Variants in CLTRN observed in about 807,000 individuals in gnomAD.
CLTRN encodes collectrin.
In CLTRN, 12 loss-of-function variants were observed where a neutral mutation model predicts 14.5. That is an observed-to-expected ratio of 0.83 (90% CI 0.53 to 1.34). The LOEUF (loss-of-function observed/expected upper bound fraction) is 1.34, where lower values mean the gene tolerates loss of function less well. CLTRN is among the 40% of genes most tolerant of loss of function. CLTRN has a pLI of 0.00. For synonymous variants in CLTRN, 58 were observed against 56.5 expected (o/e 1.03, Z -0.12); for missense variants, 154 against 165.1 (o/e 0.93, Z 0.37).
chrX:15,649,593 G>A (rs1419810788), intron 3 of CLTRN, among the ~76,000 whole-genome samples: 5 of 111,133 alleles, frequency 4.5e-5, no homozygotes, highest in Non-Finnish European at 1.9e-5. Context: ...TGTCAATGGG[G>A]GTGTGCTGTT....
rs1412031895 is a variant in CLTRN at position 15,628,034 on chromosome X, G to A, written c.606C>T (p.Asp202=). Reference sequence around the variant, plus strand: ...CATCATTAATATGCCCTCCCTTCATGTCCAGGGGATCAGAGGGGATGCCAT... The same window carrying A: ...CATCATTAATATGCCCTCCCTTCATATCCAGGGGATCAGAGGGGATGCCAT... The part of the protein sequence containing the change: ...IENGIPSDPL[D]MKGGHINDAF... Residue 202 remains aspartate (D), a synonymous_variant, in exon 6 of 6, where the codon GAC becomes GAT. Transcript: ENST00000380342. The A allele has an allele frequency of 1.7e-6, 2 of 1,143,726 alleles. No individual in the cohort carries two copies. Among genetic ancestry groups the A allele is most frequent in the East Asian group, 3.2e-5 (1 of 31,055 alleles). 94.3% of individuals were successfully genotyped at this position (1,143,726 alleles called of 1,213,427 possible). A position where few individuals can be genotyped will look rare whatever the true frequency, so the allele number is the denominator to read the frequency against.
chrX:15,632,871 A>G (rs1191919900), intron 5 of CLTRN, among the ~76,000 whole-genome samples: 4 of 85,305 alleles, frequency 4.7e-5, no homozygotes, highest in East Asian at 4.3e-4. Flanking sequence ...GTGACAGAGC[A>G]AGACTCTGTC....
chrX:15,670,298 CCAAAAACAAA>C (rs1211242260), intron 1 of CLTRN, among the ~76,000 whole-genome samples: 1 of 75,439 alleles, frequency 1.3e-5, no homozygotes, highest in East Asian at 5.0e-4. Context: ...AAAACAAAAA[CCAAAAACAAA>C]ACACACACAC....
chrX:15,645,675 C>T (rs921302795), intron 3 of CLTRN, among the ~76,000 whole-genome samples: 2 of 112,161 alleles, frequency 1.8e-5, no homozygotes, highest in Admixed American at 1.9e-4. Flanking sequence ...TTTTCAACTG[C>T]AAATTGGAAA....
At chrX:15,674,172 T>A (rs1929772215) in intron 1 of CLTRN, among the ~76,000 whole-genome samples, 1 of 112,541 alleles carries the variant, frequency 8.9e-6, no homozygotes. Context: ...TCTAAGAATG[T>A]CCGTTCAGAA....
rs1456852184 is a variant in CLTRN, at chrX:15,639,610, A to G, written c.464T>C (p.Ile155Thr). ...IIFGVIFCII[I>T]VAIALLILSG... ...TAAAATCAGTAGTGCAATTGCAACT[A>G]TGATGATGCAAAATATCACACCAAA... Residue 155 changes from isoleucine to threonine, a missense_variant, in exon 5 of 6, where the codon ATA becomes ACA. Transcript: ENST00000380342. The G allele has an allele frequency of 1.7e-6, 2 of 1,210,219 alleles. No individual in the cohort carries two copies. Among genetic ancestry groups the G allele is most frequent in the East Asian group, 3.0e-5 (1 of 33,834 alleles).
chrX:15,664,754 GA>G lies in CLTRN; in HGVS notation c.21del (p.Leu8TrpfsTer2). On this transcript the variant is annotated frameshift_variant, in exon 1 of 6. Coordinates refer to ENST00000380342, the MANE Select transcript of CLTRN (RefSeq NM_020665.6). LOFTEE classifies it high-confidence loss of function. ...AGTTCAGCATGAATGGCAGTCACCA[GA>G]AAAAAGAGCAGCCACAACATTCTTT... Reference protein sequence around the residue: MLWLLFFLVTAIHAELC... With the variant: MLWLLFXLVTAIHAELC... 1.7e-6 allele frequency: 2 copies of G among 1,208,039 alleles called. No individual in the cohort carries two copies. The highest frequency in any genetic ancestry group is 3.0e-5 in the East Asian group (1 of 33,738).
Position 15,664,404 on chromosome X carries a change from A to G in CLTRN, c.59-9T>C. 1 of 1,171,412 alleles carries G rather than the reference A, an allele frequency of 8.5e-7. No individual in the cohort carries two copies. ...AAAAGCATTTTCTGCACCTGCCAGA[A>G]AAGAAAAAAGAAAGAGCAGTATATG... On this transcript the variant is annotated splice_polypyrimidine_tract_variant and intron_variant, in intron 1 of 5. Coordinates refer to ENST00000380342, the MANE Select transcript of CLTRN (RefSeq NM_020665.6).
intron 2 of CLTRN, among the ~76,000 whole-genome samples, chrX:15,662,326 C>T (rs1357378731): frequency 1.8e-5 from 2 of 111,207 alleles, no homozygotes; most frequent in African/African-American, 6.6e-5. Context: ...ATAGACACGT[C>T]TTAGCCGCCT....
At chrX:15,635,161 T>C (rs1406166396) in intron 5 of CLTRN, among the ~76,000 whole-genome samples, 1 of 110,671 alleles carries the variant, frequency 9.0e-6, no homozygotes, top group Admixed American at 9.7e-5. Context: ...TTCAGAATTT[T>C]TCAGCCTTGA....
At chrX:15,654,036 T>C (rs1929289493) in intron 3 of CLTRN, among the ~76,000 whole-genome samples, 1 of 112,273 alleles carries the variant, frequency 8.9e-6, no homozygotes, top group African/African-American at 3.2e-5. Context: ...AAGAATTGGA[T>C]CCACTGCCAT....
chrX:15,630,217 A>AATGG (rs756492225), intron 5 of CLTRN, among the ~76,000 whole-genome samples: 13 of 111,256 alleles, frequency 1.2e-4, no homozygotes, highest in African/African-American at 3.9e-4. Context: ...TGGCTGGCTG[A>AATGG]ATGGATGGAT....
At chrX:15,646,530 G>A (rs1929076947) in intron 3 of CLTRN, 1 of 321,340 alleles carries the variant, frequency 3.1e-6, no homozygotes, top group South Asian at 2.7e-5. Context: ...CAGCTCCCAG[G>A]TCCAGGAGAA....
intron 5 of CLTRN, among the ~76,000 whole-genome samples, chrX:15,632,753 G>A (rs192766593): frequency 0.043 from 4,578 of 106,270 alleles, 102 homozygotes; most frequent in Non-Finnish European, 0.067. Context: ...GTGTGGTGGC[G>A]GGCGCCTGTA....
chrX:15,643,424 A>C (rs1322421907), intron 4 of CLTRN, among the ~76,000 whole-genome samples: 1 of 111,780 alleles, frequency 8.9e-6, no homozygotes, highest in Non-Finnish European at 1.9e-5. Flanking sequence ...GACCCTTGAA[A>C]AAGACATTTT....
rs1364260926 is a variant in CLTRN, at chrX:15,643,023, A to C, written c.317+1893T>G. Among the ~76,000 whole-genome samples the C allele has an allele frequency of 7.2e-5, 8 of 111,192 alleles. No homozygotes were observed. The East Asian group carries it at 2.3e-3, about 31-fold the overall frequency. ...GAGACAAGAGGATCACTTGAACCCC[A>C]GGAGTTCAAGGCTGCAATGAGCTAT... On this transcript the variant is annotated intron_variant, in intron 4 of 5. Transcript: ENST00000380342.
chrX:15,646,276 T>G (rs1052957203), intron 3 of CLTRN: 2 of 248,222 alleles, frequency 8.1e-6, no homozygotes, highest in East Asian at 2.2e-4. Context: ...TCGTGCACTT[T>G]CTGACATTTT....
intron 3 of CLTRN, among the ~76,000 whole-genome samples, chrX:15,657,897 G>C (rs1929413324): frequency 9.0e-6 from 1 of 111,670 alleles, no homozygotes; most frequent in Non-Finnish European, 1.9e-5. Context: ...AAATGTATAT[G>C]TGTTCATTTT....
intron 1 of CLTRN, among the ~76,000 whole-genome samples, chrX:15,674,430 C>T (rs1338909168): frequency 9.0e-6 from 1 of 111,498 alleles, no homozygotes; most frequent in African/African-American, 3.3e-5. Flanking sequence ...ATTTAAAGTC[C>T]GCTGACTTTA....
Sources: allele counts gnomAD v4.1 joint callset (sites outside exome capture counted in the v4.1 genomes callset), GRCh38; gene constraint gnomAD v4.1.1; transcripts MANE v1.5; gene names NCBI Gene and HGNC (gene_info 2026-07-23, HGNC 2026-07-21).